EBF1: variants seen among roughly 807,000 people sequenced by gnomAD.
EBF1 encodes EBF transcription factor 1, also known as transcription factor COE1.
EBF1 carries 10 observed loss-of-function variants against 68.4 expected under a neutral mutation model. The ratio of observed to expected loss-of-function variants is 0.15; its 90% confidence interval spans 0.09 to 0.25. The LOEUF (loss-of-function observed/expected upper bound fraction) is 0.25. Ranked by LOEUF, EBF1 falls within the 10% of genes least tolerant of loss-of-function variation. The probability of loss-of-function intolerance (pLI) is 1.00; values close to 1 mark genes in which losing one functional copy is unlikely to be tolerated. For missense variants in EBF1, 509 were observed against 794.4 expected, an observed-to-expected ratio of 0.64 and a Z score of 4.32; for synonymous variants, 298 against 299.8, an observed-to-expected ratio of 0.99 and a Z score of 0.06.
chr5:158,760,448 A>G (rs1210915386), intron 10 of EBF1, among the ~76,000 whole-genome samples: 1 of 152,202 alleles, frequency 6.6e-6, no homozygotes, highest in East Asian at 1.9e-4. Context: ...AGGAATTGTC[A>G]TTAGCTACTA....
intron 5 of EBF1, among the ~76,000 whole-genome samples, chr5:159,074,473 A>AC (rs1281769345): frequency 6.6e-6 from 1 of 152,242 alleles, no homozygotes; most frequent in Non-Finnish European, 1.5e-5. Flanking sequence ...GCAAATATGC[A>AC]CTTCTTGCTC....
At chr5:158,848,268 A>G (rs886529729) in intron 6 of EBF1, among the ~76,000 whole-genome samples, 1 of 151,898 alleles carries the variant, frequency 6.6e-6, no homozygotes, top group African/African-American at 2.4e-5. Context: ...CCATTAAACT[A>G]TATTCTTTAC....
rs573620351 is a variant in EBF1, at chr5:158,821,724, G to A, written c.778+1452C>T. 4.6e-5 allele frequency among the ~76,000 whole-genome samples: 7 copies of A among 152,234 alleles called. No homozygotes were observed. The East Asian group carries it at 1.2e-3, about 25-fold the overall frequency. ...TAAAGACAACATTACTGTAAAGTGA[G>A]GATCAGAATAATTTTAAGTACAGAA... is the stretch of plus-strand genomic sequence containing the variant. On this transcript the variant is annotated intron_variant, in intron 8 of 15. Transcript: ENST00000313708.
intron 6 of EBF1, among the ~76,000 whole-genome samples, chr5:158,910,758 C>T (rs1805792216): frequency 6.6e-6 from 1 of 152,144 alleles, no homozygotes; most frequent in Admixed American, 6.5e-5. Context: ...TCCAGATGTA[C>T]ACAATAATTG....
chr5:159,083,516 A>T (rs1208701483), intron 5 of EBF1, among the ~76,000 whole-genome samples: 1 of 152,240 alleles, frequency 6.6e-6, no homozygotes, highest in East Asian at 1.9e-4. Context: ...TATGTTAGAA[A>T]TATTTTTAAA....
chr5:158,874,634 T>C (rs1416888916), intron 6 of EBF1, among the ~76,000 whole-genome samples: 1 of 152,172 alleles, frequency 6.6e-6, no homozygotes, highest in East Asian at 1.9e-4. Flanking sequence ...AGACAGGTTT[T>C]TTTTAGAACG....
intron 6 of EBF1, among the ~76,000 whole-genome samples, chr5:159,050,190 TTCTC>T (rs1234686510): frequency 3.6e-5 from 5 of 137,490 alleles, no homozygotes; most frequent in Admixed American, 7.2e-5. Flanking sequence ...CTTCTCTCTT[TTCTC>T]TCTCTCTCCT....
At chr5:158,779,048 G>C (rs1001257601) in intron 9 of EBF1, among the ~76,000 whole-genome samples, 4 of 152,074 alleles carry the variant, frequency 2.6e-5, no homozygotes, top group African/African-American at 9.7e-5. Flanking sequence ...AGAATAAGAA[G>C]AAAGAGGCTC....
rs1473497140 is a variant in EBF1, at chr5:158,909,600, G to C, written c.555-69490C>G. On this transcript the variant is annotated intron_variant, in intron 6 of 15. Coordinates refer to ENST00000313708, the MANE Select transcript of EBF1 (RefSeq NM_024007.5). ...TCTAACAGAACACTCTCCAAGACAG[G>C]GGCACTGGCCATTATGAGAGTTCTT... is the stretch of plus-strand genomic sequence containing the variant. Among the ~76,000 whole-genome samples the C allele has an allele frequency of 3.3e-5, 5 of 152,156 alleles. No homozygotes were observed. In the East Asian group the frequency reaches 5.8e-4, roughly 18 times the overall value.
intron 6 of EBF1, among the ~76,000 whole-genome samples, chr5:158,898,415 T>C (rs1316682463): frequency 6.6e-6 from 1 of 152,252 alleles, no homozygotes; most frequent in African/African-American, 2.4e-5. Flanking sequence ...CCCTGAAGCA[T>C]ATGTAATAAA....
At chr5:158,866,972 G>A (rs1796041604) in intron 6 of EBF1, among the ~76,000 whole-genome samples, 2 of 146,608 alleles carry the variant, frequency 1.4e-5, no homozygotes, top group Admixed American at 6.9e-5. Context: ...ATACACAGAG[G>A]CACAAACATG....
chr5:159,085,670 T>C lies in EBF1; in HGVS notation c.412-931A>G, dbSNP rs539073496. Among the ~76,000 whole-genome samples, 327 of 152,336 alleles carry C rather than the reference T, an allele frequency of 2.1e-3. 1 individual carries two copies. Among genetic ancestry groups the C allele is most frequent in the Non-Finnish European group, 4.0e-3 (269 of 68,028 alleles). Reference sequence around the variant, plus strand: ...ATACTAATATCACACGGCTTCAAATTGTTAACAAAATTACTTTCACACATT... The same window carrying C: ...ATACTAATATCACACGGCTTCAAATCGTTAACAAAATTACTTTCACACATT... On this transcript the variant is annotated intron_variant, in intron 4 of 15. Coordinates refer to ENST00000313708, the MANE Select transcript of EBF1 (RefSeq NM_024007.5).
intron 6 of EBF1, among the ~76,000 whole-genome samples, chr5:158,998,783 A>G (rs1242217396): frequency 2.0e-5 from 3 of 152,190 alleles, no homozygotes; most frequent in Non-Finnish European, 4.4e-5. Flanking sequence ...GTATCTCCTG[A>G]AATCATCTCA....
intron 6 of EBF1, among the ~76,000 whole-genome samples, chr5:158,844,148 A>G (rs934144069): frequency 2.6e-5 from 4 of 151,342 alleles, no homozygotes; most frequent in Non-Finnish European, 5.9e-5. Flanking sequence ...AAACTCCAGG[A>G]AACAGCCTGA....
intron 6 of EBF1, among the ~76,000 whole-genome samples, chr5:158,861,842 T>TAAA (rs33912710): frequency 0.015 from 2,171 of 146,728 alleles, 15 homozygotes; most frequent in Middle Eastern, 0.025. Flanking sequence ...TGATTTATTG[T>TAAA]AAAAAAAAAA....
At chr5:158,959,242 C>A (rs1430294057) in intron 6 of EBF1, among the ~76,000 whole-genome samples, 3 of 151,318 alleles carry the variant, frequency 2.0e-5, no homozygotes, top group Non-Finnish European at 2.9e-5. Flanking sequence ...TAAAACAAAT[C>A]GAAATAAACT....
intron 6 of EBF1, among the ~76,000 whole-genome samples, chr5:159,011,768 T>C (rs936729546): frequency 1.3e-5 from 2 of 152,160 alleles, no homozygotes; most frequent in African/African-American, 4.8e-5. Flanking sequence ...ACTCCAAATG[T>C]CACAAAGAAC....
intron 6 of EBF1, among the ~76,000 whole-genome samples, chr5:158,945,194 T>A (rs573346610): frequency 6.6e-6 from 1 of 152,244 alleles, no homozygotes; most frequent in East Asian, 1.9e-4. Flanking sequence ...CTAGGGTTTT[T>A]ATGGTTTTAG....
At chr5:158,807,872 T>C (rs1781891495) in intron 8 of EBF1, among the ~76,000 whole-genome samples, 1 of 152,164 alleles carries the variant, frequency 6.6e-6, no homozygotes, top group East Asian at 1.9e-4. Flanking sequence ...AAGAAAACCA[T>C]GTTTTGAATG....
Sources: allele counts gnomAD v4.1 joint callset (sites outside exome capture counted in the v4.1 genomes callset), GRCh38; gene constraint gnomAD v4.1.1; transcripts MANE v1.5; gene names NCBI Gene and HGNC (gene_info 2026-07-23, HGNC 2026-07-21).